Variants in BBX observed in about 807,000 individuals in gnomAD.
BBX encodes HMG box transcription factor BBX.
Under a neutral mutation model 100.2 loss-of-function variants are expected in BBX, and 30 were observed. That is an observed-to-expected ratio of 0.30 (90% CI 0.22 to 0.41). The LOEUF is 0.41. BBX is among the 10% of genes least tolerant of loss of function. BBX has a pLI of 1.00. For synonymous variants in BBX, 376 were observed against 388.1 expected, an observed-to-expected ratio of 0.97 and a Z score of 0.37; for missense variants, 1,023 against 1,129.8, an observed-to-expected ratio of 0.91 and a Z score of 1.35.
At chr3:107,698,705 A>G (rs2060836958) in intron 3 of BBX, among the ~76,000 whole-genome samples, 1 of 151,784 alleles carries the variant, frequency 6.6e-6, no homozygotes, top group Admixed American at 6.6e-5. Context: ...TGGAAGATTA[A>G]AAATCAGTGT....
At chr3:107,624,048 A>G (rs551569985) in intron 2 of BBX, among the ~76,000 whole-genome samples, 8 of 152,186 alleles carry the variant, frequency 5.3e-5, no homozygotes, top group African/African-American at 9.6e-5. Flanking sequence ...ATAAGCATCA[A>G]TCTAGGCTCA....
chr3:107,774,912 G>C, intron 12 of BBX, 55 bp downstream of exon 12: 4 of 1,577,454 alleles, frequency 2.5e-6, no homozygotes, highest in Non-Finnish European at 3.4e-6. Flanking sequence ...GTGTGGGTGG[G>C]ATTTTCAAGG....
chr3:107,593,388 T>A (rs2053468004), intron 2 of BBX, among the ~76,000 whole-genome samples: 1 of 152,230 alleles, frequency 6.6e-6, no homozygotes, highest in African/African-American at 2.4e-5. Context: ...ACTAATCCAC[T>A]AAATCCTAAT....
At chr3:107,768,180 T>C (rs2066548537) in intron 10 of BBX, among the ~76,000 whole-genome samples, 1 of 152,214 alleles carries the variant, frequency 6.6e-6, no homozygotes, top group Non-Finnish European at 1.5e-5. Context: ...TTCCCGCTGC[T>C]AGTTTTGCTT....
intron 3 of BBX, among the ~76,000 whole-genome samples, chr3:107,658,950 T>A (rs547258699): frequency 6.6e-5 from 10 of 152,158 alleles, no homozygotes; most frequent in Non-Finnish European, 1.5e-4. Context: ...TATCTGAAAT[T>A]TGACCTGTAA....
chr3:107,713,207 T>C (rs2061845859), intron 4 of BBX, among the ~76,000 whole-genome samples: 1 of 152,236 alleles, frequency 6.6e-6, no homozygotes, highest in African/African-American at 2.4e-5. Flanking sequence ...TTCTGCCTCA[T>C]AAATATTGTC....
intron 2 of BBX, among the ~76,000 whole-genome samples, chr3:107,619,700 G>C (rs939610842): frequency 2.6e-5 from 4 of 151,962 alleles, no homozygotes; most frequent in Non-Finnish European, 5.9e-5. Flanking sequence ...TTGCTGAAGG[G>C]TATTTTCACT....
intron 2 of BBX, among the ~76,000 whole-genome samples, chr3:107,593,375 A>G (rs1344902800): frequency 1.3e-5 from 2 of 152,222 alleles, no homozygotes; most frequent in African/African-American, 4.8e-5. Flanking sequence ...TGCCAGAGTA[A>G]TCACTAATCC....
At chr3:107,528,748 G>T (rs1164925780) in intron 2 of BBX, among the ~76,000 whole-genome samples, 1 of 152,190 alleles carries the variant, frequency 6.6e-6, no homozygotes, top group Non-Finnish European at 1.5e-5. Flanking sequence ...TCTGTATGTT[G>T]TAAAAATAAA....
intron 13 of BBX, among the ~76,000 whole-genome samples, chr3:107,780,695 A>G (rs1196912502): frequency 1.3e-5 from 2 of 152,086 alleles, no homozygotes; most frequent in African/African-American, 2.4e-5. Flanking sequence ...TATATTATCT[A>G]TTCAGCAAAC....
At chr3:107,796,892 C>T (rs1215198179) in intron 15 of BBX, among the ~76,000 whole-genome samples, 1 of 152,048 alleles carries the variant, frequency 6.6e-6, no homozygotes, top group African/African-American at 2.4e-5. Context: ...TGTTTTCTGA[C>T]CTTTGATTAC....
intron 2 of BBX, among the ~76,000 whole-genome samples, chr3:107,616,170 G>A (rs1004568712): frequency 6.6e-6 from 1 of 151,556 alleles, no homozygotes; most frequent in Non-Finnish European, 1.5e-5. Flanking sequence ...AGTACAAAAT[G>A]CTCTGAGATT....
Position 107,807,454 on chromosome 3 carries a change from G to A in BBX, c.*1997G>A, listed in dbSNP as rs767718268. On this transcript the variant is annotated 3_prime_UTR_variant, in exon 18 of 18. Coordinates refer to ENST00000325805, the MANE Select transcript of BBX (RefSeq NM_001142568.3). The stretch of plus-strand genomic sequence containing the variant: ...TGAATGTTTGAAATTGCTGGGTCCC[G>A]ATGTTGGTGGCTGTTGGAGTTTTGG... The A allele has an allele frequency of 2.8e-4, 43 of 152,172 alleles. No homozygotes were observed. Among genetic ancestry groups the A allele is most frequent in the African/African-American group, 8.9e-4 (37 of 41,524 alleles). 9.4% of individuals were successfully genotyped at this position (152,172 alleles called of 1,614,324 possible).
At chr3:107,712,819 G>A (rs1273203418) in intron 4 of BBX, among the ~76,000 whole-genome samples, 2 of 152,294 alleles carry the variant, frequency 1.3e-5, no homozygotes, top group East Asian at 3.9e-4. Context: ...TGCTCACTGT[G>A]TGCTCACAGC....
intron 17 of BBX, among the ~76,000 whole-genome samples, chr3:107,801,745 G>A (rs73212039): frequency 2.4e-4 from 36 of 152,272 alleles, no homozygotes; most frequent in Non-Finnish European, 4.9e-4. Flanking sequence ...CAGTGCTGGT[G>A]TGTGGAATGC....
At chr3:107,615,854 A>T (rs1159419475) in intron 2 of BBX, among the ~76,000 whole-genome samples, 1 of 152,148 alleles carries the variant, frequency 6.6e-6, no homozygotes, top group Non-Finnish European at 1.5e-5. Flanking sequence ...GGCATATATT[A>T]ACTGAAGCCT....
At chr3:107,556,239 C>T (rs2050087573) in intron 2 of BBX, among the ~76,000 whole-genome samples, 1 of 152,168 alleles carries the variant, frequency 6.6e-6, no homozygotes, top group Admixed American at 6.5e-5. Flanking sequence ...GGTTAATAGA[C>T]TCCACTGCCT....
At chr3:107,618,397 A>T (rs1397420851) in intron 2 of BBX, among the ~76,000 whole-genome samples, 2 of 151,858 alleles carry the variant, frequency 1.3e-5, no homozygotes, top group Non-Finnish European at 2.9e-5. Context: ...TCTGTTTTCA[A>T]TTTTACTGAT....
At chr3:107,667,296 T>G (rs1418639656) in intron 3 of BBX, among the ~76,000 whole-genome samples, 1 of 152,212 alleles carries the variant, frequency 6.6e-6, no homozygotes, top group Non-Finnish European at 1.5e-5. Flanking sequence ...CATTAATATT[T>G]TAAATTATCA....
Sources: allele counts gnomAD v4.1 joint callset (sites outside exome capture counted in the v4.1 genomes callset), GRCh38; gene constraint gnomAD v4.1.1; transcripts MANE v1.5; gene names NCBI Gene and HGNC (gene_info 2026-07-23, HGNC 2026-07-21).